Variants in MLLT10 observed in about 807,000 individuals in gnomAD.
MLLT10 encodes the protein protein AF-10.
In MLLT10, 30 loss-of-function variants were observed where a neutral mutation model predicts 129.1. That is an observed-to-expected ratio of 0.23 (90% confidence interval 0.17 to 0.32). MLLT10 has a LOEUF of 0.32. Ranked by LOEUF, MLLT10 falls within the 10% of genes least tolerant of loss-of-function variation. The pLI is 1.00. For missense variants in MLLT10, 1,119 were observed against 1,268.3 expected (o/e 0.88, Z 1.79); for synonymous variants, 490 against 446.4 (o/e 1.10, Z -1.23).
rs1218985295 is a variant in MLLT10 at position 21,562,476 on chromosome 10, T to A, written c.240+23564T>A. Among the ~76,000 whole-genome samples the A allele has an allele frequency of 2.6e-5, 4 of 151,784 alleles. No individual in the cohort carries two copies. In the East Asian group the frequency reaches 7.8e-4, roughly 30 times the overall value. ...TCTCAGCCTCCCAAGCAGCTGAGAT[T>A]ACAGGTGCCCGCCATCACGCCCGGC... On this transcript the variant is annotated intron_variant, in intron 3 of 22. Transcript: ENST00000307729.
At chr10:21,684,241 T>C (rs1179205513) in intron 13 of MLLT10, among the ~76,000 whole-genome samples, 1 of 152,172 alleles carries the variant, frequency 6.6e-6, no homozygotes, top group African/African-American at 2.4e-5. Context: ...TGATTGTTTT[T>C]TCTCACACTA....
chr10:21,624,751 T>C, intron 8 of MLLT10: 2 of 1,223,912 alleles, frequency 1.6e-6, no homozygotes, highest in Non-Finnish European at 2.4e-6. Context: ...TGGAATCAGG[T>C]TGGTTGTAAG....
At chr10:21,616,944 T>C (rs1420616325) in intron 7 of MLLT10, among the ~76,000 whole-genome samples, 168 bp from the exon 8 acceptor site, 2 of 152,024 alleles carry the variant, frequency 1.3e-5, no homozygotes, top group Non-Finnish European at 2.9e-5. Flanking sequence ...ATGCAATGGA[T>C]GATATATGAA....
rs572419937 is a variant in MLLT10, at chr10:21,562,636, C to A, written c.241-23658C>A. Among the ~76,000 whole-genome samples the A allele has an allele frequency of 5.9e-5, 9 of 152,000 alleles. No individual in the cohort carries two copies. The South Asian group carries it at 1.2e-3, about 21-fold the overall frequency. Reference sequence around the variant, plus strand: ...TACAGGTGTGAGCCACCACACCTGGCGTGGAGATTGCTTTGGAGTAGTAAA... The same window carrying A: ...TACAGGTGTGAGCCACCACACCTGGAGTGGAGATTGCTTTGGAGTAGTAAA... On this transcript the variant is annotated intron_variant, in intron 3 of 22. Coordinates refer to ENST00000307729, the MANE Select transcript of MLLT10 (RefSeq NM_001195626.3).
At chr10:21,554,685 C>T (rs1233693122) in intron 3 of MLLT10, among the ~76,000 whole-genome samples, 4 of 151,468 alleles carry the variant, frequency 2.6e-5, no homozygotes, top group African/African-American at 7.3e-5. Flanking sequence ...TGGTCTCGAT[C>T]TCCTGACCTC....
intron 13 of MLLT10, chr10:21,708,571 TG>T: frequency 1.0e-6 from 1 of 983,712 alleles, no homozygotes; most frequent in Non-Finnish European, 1.2e-6. Context: ...TTTGTGTGTG[TG>T]TTTTTTTTTT....
intron 2 of MLLT10, among the ~76,000 whole-genome samples, chr10:21,538,303 A>G (rs772007531): frequency 1.3e-5 from 2 of 151,742 alleles, no homozygotes; most frequent in Non-Finnish European, 2.9e-5. Flanking sequence ...TAGTAGGATT[A>G]CAGGCATGTG....
chr10:21,731,396 C>T lies in MLLT10; in HGVS notation c.2218+342C>T, dbSNP rs139296978. Among the ~76,000 whole-genome samples the T allele has an allele frequency of 2.0e-5, 3 of 152,232 alleles. No homozygotes were observed. The East Asian group carries it at 5.8e-4, about 29-fold the overall frequency. ...AATGACATGAAAAATGTAAGGACCACTGCCTGGCTCATACATAGCATTGTC... is the reference window on the plus strand; with the variant it reads ...AATGACATGAAAAATGTAAGGACCATTGCCTGGCTCATACATAGCATTGTC... On this transcript the variant is annotated intron_variant, in intron 17 of 22. Transcript: ENST00000307729.
At chr10:21,733,117 A>G in intron 18 of MLLT10, 30 bp downstream of exon 18, 2 of 1,561,206 alleles carry the variant, frequency 1.3e-6, no homozygotes, top group Non-Finnish European at 1.7e-6. Context: ...TTTTGTATCT[A>G]AGGAAAATAG....
chr10:21,673,893 G>C lies in MLLT10; in HGVS notation c.1595G>C (p.Ser532Thr). 6.2e-7 allele frequency: 1 copy of C among 1,603,398 alleles called. No homozygotes were observed. Among genetic ancestry groups the C allele is most frequent in the Non-Finnish European group, 8.5e-7 (1 of 1,175,164 alleles). The change falls in exon 11 of 23, where the codon AGT (serine) becomes ACT (threonine). Residue 532 changes from serine to threonine, a missense_variant. By Grantham distance (58) the Ser-to-Thr change is moderately conservative (BLOSUM62 1). Transcript: ENST00000307729. Reference protein sequence around the residue: ...LLRNGSLQSLSVGSSPVGSEI... With the variant: ...LLRNGSLQSLTVGSSPVGSEI... Reference sequence around the variant, plus strand: ...AGGAATGGAAGTTTACAGAGCCTCAGTGTTGGCTCATCTCCAGTTGGTTCA... The same window carrying C: ...AGGAATGGAAGTTTACAGAGCCTCACTGTTGGCTCATCTCCAGTTGGTTCA...
intron 13 of MLLT10, among the ~76,000 whole-genome samples, chr10:21,686,743 G>A (rs1447907894): frequency 6.6e-6 from 1 of 152,120 alleles, no homozygotes; most frequent in Non-Finnish European, 1.5e-5. Context: ...AGCACTTTGG[G>A]AGGCCGAGGT....
chr10:21,614,882 T>C lies in MLLT10; in HGVS notation c.561T>C (p.Asn187=), dbSNP rs2045073349. 6.2e-7 allele frequency: 1 copy of C among 1,612,584 alleles called. No individual in the cohort carries two copies. Among genetic ancestry groups the C allele is most frequent in the Admixed American group, 1.7e-5 (1 of 59,602 alleles). The part of the protein sequence containing the change: ...LCEEEGNGAD[N]VQYCGYCKYH... ...AAGAAGAAGGTAATGGTGCCGATAA[T>C]GTCCAATACTGTGGCTACTGTAAAT... Residue 187 remains asparagine, a synonymous_variant, in exon 7 of 23, where the codon AAT becomes AAC. Coordinates refer to ENST00000307729, the MANE Select transcript of MLLT10 (RefSeq NM_001195626.3).
In MLLT10 at chr10:21,622,153, C is replaced by CTT. The variant is rs71393915; in HGVS notation, c.699+4967_699+4968dup. On this transcript the variant is annotated intron_variant, in intron 8 of 22. Coordinates refer to ENST00000307729, the MANE Select transcript of MLLT10 (RefSeq NM_001195626.3). ...TTTTTTCTTGTTTCTTTTGTTTTTC[C>CTT]TTTTTTTTTTTTTTTTTTTTTTGAG... Among the ~76,000 whole-genome samples, 660 of 99,766 alleles carry CTT rather than the reference C, an allele frequency of 6.6e-3. 8 individuals carry two copies. The highest frequency in any genetic ancestry group is 0.017 in the African/African-American group (408 of 24,198). 65.5% of individuals were successfully genotyped at this position (99,766 alleles called of 152,430 possible). A position where few individuals can be genotyped will look rare whatever the true frequency, so the allele number is the denominator to read the frequency against.
intron 8 of MLLT10, among the ~76,000 whole-genome samples, chr10:21,633,454 C>T (rs1422212268): frequency 6.6e-6 from 1 of 152,140 alleles, no homozygotes; most frequent in Non-Finnish European, 1.5e-5. Flanking sequence ...CATGTAATCC[C>T]AGCTCTTTGG....
At chr10:21,735,056 T>C (rs2058253122) in intron 20 of MLLT10, 83 bp from the exon 21 acceptor site, 2 of 963,438 alleles carry the variant, frequency 2.1e-6, no homozygotes, top group African/African-American at 1.6e-5. Flanking sequence ...AACATCAAAT[T>C]GAAAAGTTGT....
intron 9 of MLLT10, among the ~76,000 whole-genome samples, chr10:21,660,502 G>T (rs964662898): frequency 2.6e-5 from 4 of 151,222 alleles, no homozygotes; most frequent in Admixed American, 2.0e-4. Context: ...CATAGTCCCA[G>T]CTACTCGGGA....
intron 13 of MLLT10, among the ~76,000 whole-genome samples, chr10:21,703,287 GTTT>G (rs939075575): frequency 6.9e-6 from 1 of 145,358 alleles, no homozygotes; most frequent in Non-Finnish European, 1.5e-5. Flanking sequence ...TTGGCTGAAA[GTTT>G]TTTTTTTTTC....
At position 21,730,340 on chromosome 10, in the gene MLLT10, C is replaced by A. The variant is rs369407771; in HGVS notation, c.2064-560C>A. ...AAAAAAAAAAAAAAATTGCTTTGAT[C>A]TTATTTCTTAATTGTGAAAATACTT... On this transcript the variant is annotated intron_variant, in intron 16 of 22. Coordinates refer to ENST00000307729, the MANE Select transcript of MLLT10 (RefSeq NM_001195626.3). Among the ~76,000 whole-genome samples, 9 of 146,808 alleles carry A rather than the reference C, an allele frequency of 6.1e-5. No individual in the cohort carries two copies. The East Asian group carries it at 1.6e-3, about 26-fold the overall frequency.
At chr10:21,741,902 A>G (rs1230306594) in intron 22 of MLLT10, 37 bp from the exon 23 acceptor site, 1 of 1,594,798 alleles carries the variant, frequency 6.3e-7, no homozygotes, top group South Asian at 1.1e-5. Context: ...TCAAAAGTTG[A>G]TTTAGCTAAC....
Sources: allele counts gnomAD v4.1 joint callset (sites outside exome capture counted in the v4.1 genomes callset), GRCh38; gene constraint gnomAD v4.1.1; transcripts MANE v1.5; gene names NCBI Gene and HGNC (gene_info 2026-07-23, HGNC 2026-07-21).